Variants in RASGRF2 observed in about 807,000 individuals in gnomAD.
RASGRF2 encodes Ras protein specific guanine nucleotide releasing factor 2.
Under a neutral mutation model 151.0 loss-of-function variants are expected in RASGRF2, and 76 were observed. The observed-to-expected ratio is 0.50, with a 90% CI of 0.42 to 0.61. The LOEUF (loss-of-function observed/expected upper bound fraction) is 0.61. RASGRF2 is among the 20% of genes least tolerant of loss of function. RASGRF2 has a pLI of 0.00. For synonymous variants in RASGRF2, 504 were observed against 566.5 expected (o/e 0.89, Z 1.57); for missense variants, 1,148 against 1,564.6 (o/e 0.73, Z 4.49).
chr5:81,080,073 T>C (rs764640403), intron 5 of RASGRF2, 48 bp from the exon 6 acceptor site: 1 of 1,565,832 alleles, frequency 6.4e-7, no homozygotes, highest in Admixed American at 2.1e-5. Flanking sequence ...TTAAACAAAA[T>C]AAACACATTA....
chr5:81,070,865 CTT>C (rs1231824022), intron 4 of RASGRF2, among the ~76,000 whole-genome samples: 4 of 151,932 alleles, frequency 2.6e-5, no homozygotes, highest in Non-Finnish European at 5.9e-5. Context: ...TTTTGTGCGG[CTT>C]TCATATTTTG....
chr5:81,057,275 T>C (rs1040310473), intron 2 of RASGRF2, among the ~76,000 whole-genome samples: 2 of 152,210 alleles, frequency 1.3e-5, no homozygotes, highest in African/African-American at 2.4e-5. Flanking sequence ...GTACCAGTTG[T>C]TCCTTTAGTG....
chr5:80,983,385 T>C (rs113080366), intron 1 of RASGRF2, among the ~76,000 whole-genome samples: 1,694 of 152,306 alleles, frequency 0.011, 39 homozygotes, highest in African/African-American at 0.038. Context: ...CTCTGCATGG[T>C]TGTGGGGCTC....
intron 9 of RASGRF2, 85 bp downstream of exon 9, chr5:81,087,038 C>G (rs1752252690): frequency 7.8e-7 from 1 of 1,277,922 alleles, no homozygotes; most frequent in South Asian, 1.2e-5. Context: ...GCGTTCTGAA[C>G]AGGCGTGACG....
At chr5:81,176,586 T>C (rs762691118) in intron 17 of RASGRF2, among the ~76,000 whole-genome samples, 8 of 152,062 alleles carry the variant, frequency 5.3e-5, no homozygotes, top group Admixed American at 2.6e-4. Context: ...TCATTGCACA[T>C]GTGGACGGTT....
At chr5:81,200,679 C>T (rs1755367750) in intron 18 of RASGRF2, among the ~76,000 whole-genome samples, 1 of 152,182 alleles carries the variant, frequency 6.6e-6, no homozygotes, top group Non-Finnish European at 1.5e-5. Context: ...AAAAGCCAGG[C>T]AATTAAATTG....
In RASGRF2 at chr5:80,986,653, G is replaced by A. The variant is rs528061904; in HGVS notation, c.288+25627G>A. Among the ~76,000 whole-genome samples, 5 of 152,330 alleles carry A rather than the reference G, an allele frequency of 3.3e-5. No individual in the cohort carries two copies. In the South Asian group the frequency reaches 1.0e-3, roughly 32 times the overall value. On this transcript the variant is annotated intron_variant, in intron 1 of 26. Transcript: ENST00000265080. Reference sequence around the variant, plus strand: ...GAAACGCAACAGTCTCTAACTTGGAGTTTAAGCTACGTGTTGCAAGGAGAA... The same window carrying A: ...GAAACGCAACAGTCTCTAACTTGGAATTTAAGCTACGTGTTGCAAGGAGAA...
chr5:81,181,342 G>A (rs1754912628), intron 18 of RASGRF2, among the ~76,000 whole-genome samples: 1 of 152,126 alleles, frequency 6.6e-6, no homozygotes, highest in African/African-American at 2.4e-5. Context: ...AGGAAAAGTG[G>A]CATTTAAGCC....
At chr5:81,124,192 A>G (rs1393512580) in intron 16 of RASGRF2, among the ~76,000 whole-genome samples, 2 of 152,232 alleles carry the variant, frequency 1.3e-5, no homozygotes, top group Non-Finnish European at 2.9e-5. Context: ...GGACTTAAGC[A>G]TCTGTGGATT....
chr5:80,974,351 G>GTCTGCAAGAACATCTA (rs1748039846), intron 1 of RASGRF2, among the ~76,000 whole-genome samples: 1 of 152,362 alleles, frequency 6.6e-6, no homozygotes, highest in Admixed American at 6.5e-5. Flanking sequence ...AAGAACATCT[G>GTCTGCAAGAACATCTA]TCTGCAAGAA....
intron 17 of RASGRF2, among the ~76,000 whole-genome samples, chr5:81,173,656 A>G (rs914521460): frequency 1.3e-5 from 2 of 152,228 alleles, no homozygotes; most frequent in Admixed American, 6.5e-5. Flanking sequence ...TAACCTCATC[A>G]TGTCTAGGAA....
chr5:80,969,540 C>T (rs1488103961), intron 1 of RASGRF2, among the ~76,000 whole-genome samples: 1 of 151,704 alleles, frequency 6.6e-6, no homozygotes, highest in Non-Finnish European at 1.5e-5. Context: ...GCTCCGCCTC[C>T]AGGGTTCACA....
At chr5:81,134,109 TGA>T (rs58200570) in intron 17 of RASGRF2, among the ~76,000 whole-genome samples, 42 of 150,910 alleles carry the variant, frequency 2.8e-4, no homozygotes, top group South Asian at 1.9e-3. Flanking sequence ...TGTGTGTGTG[TGA>T]GTGAATATTT....
rs112162042 is a variant in RASGRF2 at position 81,000,081 on chromosome 5, T to G, written c.288+39055T>G. On this transcript the variant is annotated intron_variant, in intron 1 of 26. Coordinates refer to ENST00000265080, the MANE Select transcript of RASGRF2 (RefSeq NM_006909.3). ...TGGCCAGGATTGCAACAGCTGAGGC[T>G]GGAGGAACCACTTCCAAGGTGGCTT... 9.0e-3 allele frequency among the ~76,000 whole-genome samples: 1,369 copies of G among 152,278 alleles called. 30 individuals are homozygous for G. Among genetic ancestry groups the G allele is most frequent in the African/African-American group, 0.032 (1,310 of 41,556 alleles).
At position 81,042,878 on chromosome 5, in the gene RASGRF2, A is replaced by G. The variant is rs759827581; in HGVS notation, c.290A>G (p.Tyr97Cys). Residue 97 changes from tyrosine (Y) to cysteine (C), a missense_variant and splice_region_variant, in exon 2 of 27, where the codon TAT becomes TGT. Transcript: ENST00000265080. Reference protein sequence around the residue: ...GGVRDALDKQYYFTVLFGHEG... With the variant: ...GGVRDALDKQCYFTVLFGHEG... ...TTTTGTGTTTCTTTTTCTTTCCAGT[A>G]TTACTTTACTGTTCTTTTTGGCCAT... 1.1e-5 allele frequency: 17 copies of G among 1,604,312 alleles called. No individual in the cohort carries two copies. Among genetic ancestry groups the G allele is most frequent in the Admixed American group, 6.7e-5 (4 of 59,274 alleles).
At chr5:81,018,803 T>C (rs1286739894) in intron 1 of RASGRF2, among the ~76,000 whole-genome samples, 1 of 29,612 alleles carries the variant, frequency 3.4e-5, no homozygotes, top group South Asian at 1.4e-3. Context: ...CCATCTGCAC[T>C]TTTTTTTTTT....
intron 2 of RASGRF2, among the ~76,000 whole-genome samples, chr5:81,059,214 T>C (rs1407722625): frequency 1.3e-5 from 2 of 151,140 alleles, no homozygotes; most frequent in Non-Finnish European, 3.0e-5. Context: ...AAACCCCCTC[T>C]CTACTAAAAA....
intron 1 of RASGRF2, among the ~76,000 whole-genome samples, chr5:80,995,071 A>T (rs1390911342): frequency 6.6e-6 from 1 of 152,046 alleles, no homozygotes; most frequent in Non-Finnish European, 1.5e-5. Flanking sequence ...CCTGCCTAAC[A>T]CGGTGAAACC....
Position 81,055,397 on chromosome 5 carries a change from A to G in RASGRF2, c.395+12414A>G, listed in dbSNP as rs1320636912. 4.6e-5 allele frequency among the ~76,000 whole-genome samples: 7 copies of G among 152,146 alleles called. No individual in the cohort carries two copies. The East Asian group carries it at 1.2e-3, about 25-fold the overall frequency. ...CTATTGAGATAATCATGTGGTTTTT[A>G]TCGTTGGTTCTGTTTATATGCTGGA... On this transcript the variant is annotated intron_variant, in intron 2 of 26. Coordinates refer to ENST00000265080, the MANE Select transcript of RASGRF2 (RefSeq NM_006909.3).
Sources: gnomAD v4.1 joint callset for allele counts (sites outside exome capture counted in the v4.1 genomes callset) on GRCh38, gnomAD v4.1.1 for gene constraint, MANE v1.5 for transcripts, NCBI Gene and HGNC (gene_info 2026-07-23, HGNC 2026-07-21) for gene names.